The following AP1G1 variants were observed in gnomAD, a reference collection of about 807,000 sequenced individuals.
AP1G1 encodes adaptor related protein complex 1 subunit gamma 1, also known as AP-1 complex subunit gamma-1.
In AP1G1, 7 loss-of-function variants were observed where a neutral mutation model predicts 108.3. The observed-to-expected ratio is 0.06, with a 90% CI of 0.04 to 0.12. AP1G1 has a LOEUF of 0.12. AP1G1 is among the 10% of genes least tolerant of loss of function. The pLI, the probability that AP1G1 is intolerant of heterozygous loss-of-function variation, is 1.00. For synonymous variants in AP1G1, 379 were observed against 353.5 expected (o/e 1.07, Z -0.81); for missense variants, 756 against 1,010.7 (o/e 0.75, Z 3.42).
Position 71,794,835 on chromosome 16 carries a change from C to CTTTTCTTTTTTTTTT in AP1G1, c.-3-5354_-3-5353insAAAAAAAAAAGAAAA, listed in dbSNP as rs2032522793. ...TACCATTCTCAGGCCATGAGAAGTG[C>CTTTTCTTTTTTTTTT]TTTTTTTTTTTTTTTTTTTTTTTTT... On this transcript the variant is annotated intron_variant, in intron 1 of 22. Transcript: ENST00000299980. Among the ~76,000 whole-genome samples, 74 of 39,660 alleles carry CTTTTCTTTTTTTTTT rather than the reference C, an allele frequency of 1.9e-3. 6 individuals carry two copies. Among genetic ancestry groups the CTTTTCTTTTTTTTTT allele is most frequent in the African/African-American group, 7.6e-3 (73 of 9,550 alleles). 26.0% of individuals were successfully genotyped at this position (39,660 alleles called of 152,430 possible).
chr16:71,806,039 A>T (rs879907991), intron 1 of AP1G1, among the ~76,000 whole-genome samples: 36 of 152,216 alleles, frequency 2.4e-4, no homozygotes, highest in South Asian at 6.2e-4. Flanking sequence ...AATAAAAAAA[A>T]AAAAAAAGAG....
rs942528831 is a variant in AP1G1 at position 71,731,426 on chromosome 16, A to G, written c.*1632T>C. ...GTAAAGGCTTGGTGAAATGAAGGGG[A>G]AAAAAAGGGATATTTGTTTCCAGGT... On this transcript the variant is annotated 3_prime_UTR_variant, in exon 23 of 23. Coordinates refer to ENST00000299980, the MANE Select transcript of AP1G1 (RefSeq NM_001128.6). 3.9e-5 allele frequency: 6 copies of G among 152,740 alleles called. No homozygotes were observed. Among genetic ancestry groups the G allele is most frequent in the Middle Eastern group, 3.4e-3 (1 of 294 alleles). The allele number at this position is 152,740 out of a possible 1,614,324, so 9.5% of individuals were successfully genotyped here.
chr16:71,746,957 C>CAT (rs971617095), intron 16 of AP1G1: 33 of 285,154 alleles, frequency 1.2e-4, no homozygotes, highest in South Asian at 4.0e-4. Context: ...GGAAAAAACA[C>CAT]ATATATATAT....
intron 1 of AP1G1, among the ~76,000 whole-genome samples, chr16:71,804,963 A>G (rs892456775): frequency 2.0e-5 from 3 of 152,112 alleles, no homozygotes; most frequent in Non-Finnish European, 4.4e-5. Flanking sequence ...GTGAGCTGAG[A>G]TTGCACCACT....
chr16:71,753,265 A>C (rs1460868483), intron 13 of AP1G1, among the ~76,000 whole-genome samples: 1 of 152,224 alleles, frequency 6.6e-6, no homozygotes, highest in East Asian at 1.9e-4. Context: ...ATCCCATCCA[A>C]AACAGGATTT....
At chr16:71,779,276 G>C (rs1385787618) in intron 2 of AP1G1, among the ~76,000 whole-genome samples, 1 of 147,180 alleles carries the variant, frequency 6.8e-6, no homozygotes, top group Non-Finnish European at 1.5e-5. Context: ...CCAATATTCT[G>C]ATGGAGTAAA....
rs749517248 is a variant in AP1G1 at position 71,807,861 on chromosome 16, G to GA, written c.-4+901dup. On this transcript the variant is annotated intron_variant, in intron 1 of 22. Coordinates refer to ENST00000299980, the MANE Select transcript of AP1G1 (RefSeq NM_001128.6). Reference sequence around the variant, plus strand: ...GTGCTCAGGGATATATAATAGGGGAGAAAAAAAAATACCACACAAGTGTCA... The same window carrying GA: ...GTGCTCAGGGATATATAATAGGGGAGAAAAAAAAAATACCACACAAGTGTCA... 2,044 of 1,263,394 alleles carry GA rather than the reference G, an allele frequency of 1.6e-3. 4 individuals carry two copies. Among genetic ancestry groups the GA allele is most frequent in the Admixed American group, 1.9e-3 (79 of 41,336 alleles). The allele number at this position is 1,263,394 out of a possible 1,614,324, so 78.3% of individuals were successfully genotyped here.
intron 1 of AP1G1, chr16:71,807,970 C>T (rs1463053041): frequency 5.6e-6 from 7 of 1,241,360 alleles, no homozygotes; most frequent in Non-Finnish European, 6.2e-6. Flanking sequence ...CTCCCAAAAG[C>T]CATTTAATCT....
Position 71,756,244 on chromosome 16 carries a change from A to C in AP1G1, c.1089-85T>G, listed in dbSNP as rs1400872618. Reference sequence around the variant, plus strand: ...CCCAGGTATGCACTCTGTGAACACCAAGTACTGCCAGATGTGCTGACGTCC... The same window carrying C: ...CCCAGGTATGCACTCTGTGAACACCCAGTACTGCCAGATGTGCTGACGTCC... On this transcript the variant is annotated intron_variant, in intron 11 of 22. Transcript: ENST00000299980. 4.8e-6 allele frequency: 6 copies of C among 1,241,808 alleles called. 1 individual carries two copies. Among genetic ancestry groups the C allele is most frequent in the Non-Finnish European group, 4.5e-6 (4 of 897,900 alleles). The allele number at this position is 1,241,808 out of a possible 1,614,324, so 76.9% of individuals were successfully genotyped here.
chr16:71,778,249 C>T (rs910356001), intron 2 of AP1G1, among the ~76,000 whole-genome samples: 1 of 152,000 alleles, frequency 6.6e-6, no homozygotes, highest in Non-Finnish European at 1.5e-5. Context: ...TTGAAGGTGA[C>T]AAATCTAAGG....
intron 11 of AP1G1, among the ~76,000 whole-genome samples, chr16:71,756,812 G>A (rs1037623907): frequency 6.6e-6 from 1 of 151,820 alleles, no homozygotes; most frequent in African/African-American, 2.4e-5. Flanking sequence ...CATGGTGGTG[G>A]GCGCCTGTAG....
intron 4 of AP1G1, among the ~76,000 whole-genome samples, chr16:71,772,200 G>A (rs1236935530): frequency 6.6e-6 from 1 of 151,084 alleles, no homozygotes; most frequent in Non-Finnish European, 1.5e-5. Context: ...GCGCAATGTC[G>A]GCTCACTGCA....
intron 2 of AP1G1, among the ~76,000 whole-genome samples, chr16:71,775,680 ATAAC>A (rs975070947): frequency 7.9e-5 from 12 of 152,246 alleles, no homozygotes; most frequent in African/African-American, 2.9e-4. Flanking sequence ...GAGAGAGGCA[ATAAC>A]TAAGTTTAAT....
intron 2 of AP1G1, among the ~76,000 whole-genome samples, chr16:71,778,712 A>G (rs897935802): frequency 6.6e-6 from 1 of 152,016 alleles, no homozygotes; most frequent in Non-Finnish European, 1.5e-5. Context: ...AAGAAAAAAA[A>G]AAAGAATGTT....
intron 5 of AP1G1, 87 bp downstream of exon 5, chr16:71,771,068 CT>C: frequency 3.7e-6 from 3 of 807,108 alleles, no homozygotes; most frequent in Non-Finnish European, 5.9e-6. Context: ...CTCCACTGTT[CT>C]GAGAGACACA....
intron 2 of AP1G1, among the ~76,000 whole-genome samples, chr16:71,782,897 C>CA (rs1376295627): frequency 2.0e-5 from 3 of 152,078 alleles, no homozygotes; most frequent in African/African-American, 7.2e-5. Context: ...TGCTTTCTGG[C>CA]ATAGTAACAT....
At chr16:71,761,816 C>CAAAAAAAAAA (rs375647068) in intron 9 of AP1G1, among the ~76,000 whole-genome samples, 1 of 44,862 alleles carries the variant, frequency 2.2e-5, no homozygotes, top group African/African-American at 8.0e-5. Context: ...GACTCCATCT[C>CAAAAAAAAAA]AAAAAAAAAA....
At chr16:71,808,290 G>A (rs538960598) in intron 1 of AP1G1, 28 of 854,448 alleles carry the variant, frequency 3.3e-5, no homozygotes, top group Admixed American at 4.5e-5. Context: ...GTTCCGAGAG[G>A]ACGGCACTGC....
intron 22 of AP1G1, among the ~76,000 whole-genome samples, chr16:71,734,041 T>TA (rs2045503142): frequency 6.6e-6 from 1 of 152,184 alleles, no homozygotes; most frequent in Non-Finnish European, 1.5e-5. Context: ...AGGCAAGTGT[T>TA]ACAAGAGAAA....
Sources: allele counts gnomAD v4.1 joint callset (sites outside exome capture counted in the v4.1 genomes callset), GRCh38; gene constraint gnomAD v4.1.1; transcripts MANE v1.5; gene names NCBI Gene and HGNC (gene_info 2026-07-23, HGNC 2026-07-21).